IL9: variants seen among roughly 807,000 people sequenced by gnomAD.
IL9 encodes the protein interleukin-9.
Under a neutral mutation model 12.9 loss-of-function variants are expected in IL9, and 16 were observed. That is an observed-to-expected ratio of 1.24 (90% CI 0.84 to 1.88). The LOEUF (loss-of-function observed/expected upper bound fraction) is 1.88. IL9 is among the 40% of genes most tolerant of loss of function. The pLI is 0.00. For missense variants in IL9, 170 were observed against 173.1 expected, an observed-to-expected ratio of 0.98 and a Z score of 0.10; for synonymous variants, 69 against 63.8, an observed-to-expected ratio of 1.08 and a Z score of -0.39.
At chr5:135,892,583 T>C in intron 4 of IL9, 73 bp from the exon 5 acceptor site, 1 of 1,506,962 alleles carries the variant, frequency 6.6e-7, no homozygotes, top group Non-Finnish European at 8.9e-7. Flanking sequence ...GAAGCCTACC[T>C]GCCAAGAGCC....
chr5:135,892,619 A>T (rs1762885502), intron 4 of IL9, 109 bp from the exon 5 acceptor site: 1 of 1,264,054 alleles, frequency 7.9e-7, no homozygotes, highest in African/African-American at 1.5e-5. Context: ...GATTGTGGGG[A>T]TGGGAAGGGA....
At chr5:135,895,383 C>G in intron 3 of IL9, 57 bp downstream of exon 3, 1 of 1,433,238 alleles carries the variant, frequency 7.0e-7, no homozygotes, top group South Asian at 1.2e-5. Context: ...CTTATTTTTA[C>G]TTAAAAACAA....
Position 135,892,464 on chromosome 5 carries a change from G to C in IL9, c.362C>G (p.Ala121Gly). ...QPCNQTTAGN[A>G]LTFLKSLLEI... Reference sequence around the variant, plus strand: ...CAGAAGACTCTTCAGAAATGTCAGCGCGTTGCCTGCCGTGGTTTGGTTGCA... The same window carrying C: ...CAGAAGACTCTTCAGAAATGTCAGCCCGTTGCCTGCCGTGGTTTGGTTGCA... Residue 121 changes from alanine (A) to glycine (G), a missense_variant, in exon 5 of 5, where the codon GCG (alanine) becomes GGG (glycine). Coordinates refer to ENST00000274520, the MANE Select transcript of IL9 (RefSeq NM_000590.2). 2 of 1,612,978 alleles carry C rather than the reference G, an allele frequency of 1.2e-6. No homozygotes were observed.
chr5:135,893,399 T>G (rs1160714246), intron 4 of IL9, among the ~76,000 whole-genome samples: 2 of 151,884 alleles, frequency 1.3e-5, no homozygotes, highest in Non-Finnish European at 2.9e-5. Flanking sequence ...ATCACTTGAG[T>G]TCAGGAGTTG....
rs202112342 is a variant in IL9 at position 135,893,968 on chromosome 5, A to G, written c.315+52T>C. 6.2e-4 allele frequency: 957 copies of G among 1,531,630 alleles called. 1 individual carries two copies. Among genetic ancestry groups the G allele is most frequent in the Middle Eastern group, 1.8e-3 (10 of 5,544 alleles). 94.9% of individuals were successfully genotyped at this position (1,531,630 alleles called of 1,614,324 possible). ...GTGTTCAAACAGGGTTGGCATCACC[A>G]TTCACATAGAAATCACCAACAGGAA... On this transcript the variant is annotated intron_variant, in intron 4 of 4. Coordinates refer to ENST00000274520, the MANE Select transcript of IL9 (RefSeq NM_000590.2).
rs373287060 is a variant in IL9, at chr5:135,894,133, A to G, written c.202T>C (p.Cys68Arg). 1.2e-6 allele frequency: 2 copies of G among 1,613,398 alleles called. No individual in the cohort carries two copies. The highest frequency in any genetic ancestry group is 1.7e-6 in the Non-Finnish European group (2 of 1,179,760). The change falls in exon 4 of 5, where the codon TGC (cysteine) becomes CGC (arginine). Residue 68 changes from cysteine (C) to arginine (R), a missense_variant. Physicochemically the swap from Cys to Arg is radical, Grantham distance 180. Coordinates refer to ENST00000274520, the MANE Select transcript of IL9 (RefSeq NM_000590.2). ...GIPSDNCTRPCFSERLSQMTN... is the reference protein window; with the variant it reads ...GIPSDNCTRPRFSERLSQMTN... Reference sequence around the variant, plus strand: ...ATCTGAGACAGTCTCTCACTGAAGCATGGTCTGGTGCAGTTGTCCTGGTAA... The same window carrying G: ...ATCTGAGACAGTCTCTCACTGAAGCGTGGTCTGGTGCAGTTGTCCTGGTAA...
chr5:135,895,344 T>A (rs908954426), intron 3 of IL9, 96 bp downstream of exon 3: 2 of 957,128 alleles, frequency 2.1e-6, no homozygotes, highest in Non-Finnish European at 3.1e-6. Flanking sequence ...TAAGCAACAA[T>A]GTATAACATT....
At position 135,894,122 on chromosome 5, in the gene IL9, C is replaced by G. The variant is rs951910467; in HGVS notation, c.213G>C (p.Glu71Asp). 4.3e-6 allele frequency: 7 copies of G among 1,613,250 alleles called. No homozygotes were observed. In the Admixed American group the frequency reaches 5.0e-5, roughly 12 times the overall value. ...SDNCTRPCFS[E>D]RLSQMTNTTM... ...TGGTATTGGTCATCTGAGACAGTCT[C>G]TCACTGAAGCATGGTCTGGTGCAGT... Residue 71 changes from glutamate (E) to aspartate (D), a missense_variant, in exon 4 of 5, where the codon GAG (glutamate) becomes GAC (aspartate). Physicochemically the swap from Glu to Asp is conservative, Grantham distance 45 (BLOSUM62 2). Transcript: ENST00000274520.
intron 3 of IL9, 117 bp from the exon 4 acceptor site, chr5:135,894,268 A>T: frequency 1.9e-6 from 2 of 1,042,154 alleles, no homozygotes; most frequent in South Asian, 1.5e-5. Flanking sequence ...TCAAACTTGC[A>T]TTATTTTTAG....
rs772895208 is a variant in IL9 at position 135,895,773 on chromosome 5, G to A, written c.44C>T (p.Ser15Phe). The change falls in exon 1 of 5, where the codon TCC becomes TTC. Residue 15 changes from serine to phenylalanine, a missense_variant. Physicochemically the swap from Ser to Phe is radical, Grantham distance 155. Coordinates refer to ENST00000274520, the MANE Select transcript of IL9 (RefSeq NM_000590.2). ...GGTTGGACACCCCTGGCCTGCCACG[G>A]AGCACAGGAGCAGGGCAGAGGTAAG... Reference protein sequence around the residue: ...MVLTSALLLCSVAGQGCPTLA... With the variant: ...MVLTSALLLCFVAGQGCPTLA... 1 of 1,614,074 alleles carries A rather than the reference G, an allele frequency of 6.2e-7. No individual in the cohort carries two copies. The highest frequency in any genetic ancestry group is 8.5e-7 in the Non-Finnish European group (1 of 1,180,004).
intron 3 of IL9, 129 bp downstream of exon 3, chr5:135,895,311 A>T: frequency 1.4e-6 from 1 of 728,048 alleles, no homozygotes; most frequent in Non-Finnish European, 2.2e-6. Context: ...TTAACAGGGA[A>T]TACTAATCTG....
rs1257845077 is a variant in IL9 at position 135,895,824 on chromosome 5, G to A, written c.-8C>T. The A allele has an allele frequency of 6.3e-6, 10 of 1,584,082 alleles. No homozygotes were observed. Among genetic ancestry groups the A allele is most frequent in the Non-Finnish European group, 8.7e-6 (10 of 1,154,452 alleles). On this transcript the variant is annotated 5_prime_UTR_variant, in exon 1 of 5. Transcript: ENST00000274520. ...GACCATGGCCAGAAGCATCTTGACA[G>A]CGGACTGGAGCTCGCTTGCAGACAC...
At chr5:135,893,988 C>T (rs1333745667) in intron 4 of IL9, 32 bp downstream of exon 4, 3 of 1,588,658 alleles carry the variant, frequency 1.9e-6, no homozygotes, top group East Asian at 2.3e-5. Flanking sequence ...AAATCACCAA[C>T]AGGAACATAT....
intron 3 of IL9, 100 bp from the exon 4 acceptor site, chr5:135,894,251 C>T: frequency 8.6e-7 from 1 of 1,161,736 alleles, no homozygotes; most frequent in African/African-American, 1.6e-5. Flanking sequence ...TATTTAATCA[C>T]CATTACTCAA....
intron 4 of IL9, among the ~76,000 whole-genome samples, chr5:135,892,948 G>T (rs368185392): frequency 6.6e-6 from 1 of 152,180 alleles, no homozygotes; most frequent in Non-Finnish European, 1.5e-5. Flanking sequence ...TCAAATCTCA[G>T]CTCTGCCACT....
intron 1 of IL9, 39 bp from the exon 2 acceptor site, chr5:135,895,629 C>T (rs367906598): frequency 1.7e-5 from 28 of 1,612,872 alleles, no homozygotes; most frequent in African/African-American, 5.3e-5. Context: ...TAGTCAGCCC[C>T]GAGTTTTTTC....
Position 135,892,523 on chromosome 5 carries a change from A to T in IL9, c.316-13T>A. 6.2e-7 allele frequency: 1 copy of T among 1,609,156 alleles called. No homozygotes were observed. The highest frequency in any genetic ancestry group is 1.1e-5 in the South Asian group (1 of 89,706). On this transcript the variant is annotated splice_polypyrimidine_tract_variant and intron_variant, in intron 4 of 4. Coordinates refer to ENST00000274520, the MANE Select transcript of IL9 (RefSeq NM_000590.2). ...CACAGGAAAAATACTGTGGGGATGAAAGTTGATAAGGACAGAGTGACTCAA... is the reference window on the plus strand; with the variant it reads ...CACAGGAAAAATACTGTGGGGATGATAGTTGATAAGGACAGAGTGACTCAA...
chr5:135,893,407 T>C (rs1172739974), intron 4 of IL9, among the ~76,000 whole-genome samples: 2 of 151,240 alleles, frequency 1.3e-5, no homozygotes, highest in Non-Finnish European at 2.9e-5. Flanking sequence ...AGTTCAGGAG[T>C]TGGAGAGCAA....
In IL9 at chr5:135,892,342, AAG is replaced by A. The variant is rs759725844; in HGVS notation, c.*47_*48del. 2 of 1,410,986 alleles carry A rather than the reference AAG, an allele frequency of 1.4e-6. No homozygotes were observed. Among genetic ancestry groups the A allele is most frequent in the Non-Finnish European group, 1.9e-6 (2 of 1,037,118 alleles). 87.4% of individuals were successfully genotyped at this position (1,410,986 alleles called of 1,614,324 possible). A position where few individuals can be genotyped will look rare whatever the true frequency, so the allele number is the denominator to read the frequency against. ...TTGATTTTTAAATTGTAGCAACTTAAAGAGAAAGCTTTTTAAATTTAATAAAT... is the reference window on the plus strand; with the variant it reads ...TTGATTTTTAAATTGTAGCAACTTAAAGAAAGCTTTTTAAATTTAATAAAT... On this transcript the variant is annotated 3_prime_UTR_variant, in exon 5 of 5. Transcript: ENST00000274520.
Sources: allele counts gnomAD v4.1 joint callset (sites outside exome capture counted in the v4.1 genomes callset), GRCh38; gene constraint gnomAD v4.1.1; transcripts MANE v1.5; gene names NCBI Gene and HGNC (gene_info 2026-07-23, HGNC 2026-07-21).